Variants in PARD3B observed in about 807,000 individuals in gnomAD.
PARD3B encodes par-3 family cell polarity regulator beta.
A neutral mutation model predicts 130.2 loss-of-function variants in PARD3B; 103 were observed. The ratio of observed to expected loss-of-function variants is 0.79; its 90% CI spans 0.67 to 0.93. PARD3B has a LOEUF of 0.93. Ranked by LOEUF, PARD3B falls within the 40% of genes least tolerant of loss-of-function variation. The probability of loss-of-function intolerance (pLI) is 0.00; values close to 1 mark genes in which losing one functional copy is unlikely to be tolerated. For synonymous variants in PARD3B, 583 were observed against 553.2 expected, an observed-to-expected ratio of 1.05 and a Z score of -0.76; for missense variants, 1,609 against 1,499.2, an observed-to-expected ratio of 1.07 and a Z score of -1.21.
intron 1 of PARD3B, among the ~76,000 whole-genome samples, chr2:204,547,576 C>T (rs1197408991): frequency 6.6e-6 from 1 of 152,158 alleles, no homozygotes; most frequent in African/African-American, 2.4e-5. Context: ...AACCAATTGT[C>T]TATTAAATCA....
At chr2:205,039,893 C>G (rs1343190518) in intron 3 of PARD3B, among the ~76,000 whole-genome samples, 1 of 152,212 alleles carries the variant, frequency 6.6e-6, no homozygotes, top group Non-Finnish European at 1.5e-5. Flanking sequence ...GTGAGTAAAA[C>G]TAGAGTAGAA....
At chr2:205,113,036 A>G (rs899911905) in intron 5 of PARD3B, among the ~76,000 whole-genome samples, 2 of 152,170 alleles carry the variant, frequency 1.3e-5, no homozygotes, top group Non-Finnish European at 2.9e-5. Context: ...GCTTTTTCTA[A>G]TAAATATTTT....
chr2:204,719,385 A>C (rs1461129637), intron 2 of PARD3B, among the ~76,000 whole-genome samples: 1 of 152,224 alleles, frequency 6.6e-6, no homozygotes, highest in African/African-American at 2.4e-5. Context: ...TTTTAAAATT[A>C]AAGTTGATAT....
At chr2:204,986,488 T>G (rs1330123167) in intron 3 of PARD3B, among the ~76,000 whole-genome samples, 1 of 152,212 alleles carries the variant, frequency 6.6e-6, no homozygotes, top group African/African-American at 2.4e-5. Context: ...TTAAATCCAC[T>G]TTTGTAATCC....
rs760218901 is a variant in PARD3B, at chr2:204,545,972, C to T, written c.-28C>T. The T allele has an allele frequency of 2.6e-6, 4 of 1,540,234 alleles. No individual in the cohort carries two copies. The Admixed American group carries it at 5.8e-5, about 22-fold the overall frequency. On this transcript the variant is annotated 5_prime_UTR_variant, in exon 1 of 23. Coordinates refer to ENST00000406610, the MANE Select transcript of PARD3B (RefSeq NM_001302769.2). ...CGCGGGGTCAGACACCTGTTCGGCCCGGCCCGGCGTGGTCGCCGGGGGCCA... is the reference window on the plus strand; with the variant it reads ...CGCGGGGTCAGACACCTGTTCGGCCTGGCCCGGCGTGGTCGCCGGGGGCCA...
At chr2:205,286,592 G>T (rs1031849783) in intron 16 of PARD3B, among the ~76,000 whole-genome samples, 1 of 152,054 alleles carries the variant, frequency 6.6e-6, no homozygotes, top group Non-Finnish European at 1.5e-5. Context: ...CAGTTTGTCT[G>T]GAAATTTCTG....
intron 18 of PARD3B, among the ~76,000 whole-genome samples, chr2:205,348,822 G>T (rs2043888640): frequency 6.6e-6 from 1 of 152,168 alleles, no homozygotes; most frequent in African/African-American, 2.4e-5. Context: ...AGATAAGGGA[G>T]ATTTTTATTG....
intron 1 of PARD3B, among the ~76,000 whole-genome samples, chr2:204,672,238 T>A (rs1406386856): frequency 6.6e-6 from 1 of 152,224 alleles, no homozygotes; most frequent in Non-Finnish European, 1.5e-5. Flanking sequence ...TCTGAAAAGT[T>A]TTAGCTAATT....
At chr2:205,035,820 T>TATATATATATATATATATAGAGGG (rs1491091922) in intron 3 of PARD3B, among the ~76,000 whole-genome samples, 1 of 2,298 alleles carries the variant, frequency 4.4e-4, no homozygotes, top group African/African-American at 8.4e-4. Flanking sequence ...TATATATATA[T>TATATATATATATATATATAGAGGG]CTATATATCT....
At chr2:204,927,377 C>T (rs1369304193) in intron 2 of PARD3B, among the ~76,000 whole-genome samples, 10 of 152,196 alleles carry the variant, frequency 6.6e-5, no homozygotes, top group East Asian at 3.9e-4. Flanking sequence ...AAGGGTGCAG[C>T]GAGAAGTCAA....
chr2:204,842,646 T>C (rs190338824), intron 2 of PARD3B, among the ~76,000 whole-genome samples: 1 of 152,320 alleles, frequency 6.6e-6, no homozygotes, highest in African/African-American at 2.4e-5. Context: ...GAGTGGTTTC[T>C]GTAACAGCTG....
At chr2:205,313,319 T>C (rs1310847344) in intron 18 of PARD3B, among the ~76,000 whole-genome samples, 1 of 152,096 alleles carries the variant, frequency 6.6e-6, no homozygotes, top group Non-Finnish European at 1.5e-5. Context: ...AATATCTGAG[T>C]TTAATAATAT....
intron 2 of PARD3B, among the ~76,000 whole-genome samples, chr2:204,927,477 A>C (rs1014963798): frequency 6.6e-6 from 1 of 152,160 alleles, no homozygotes; most frequent in Admixed American, 6.5e-5. Flanking sequence ...AAGTGTGAGA[A>C]ATAAATTTAT....
intron 10 of PARD3B, among the ~76,000 whole-genome samples, chr2:205,150,083 G>C (rs1378135560): frequency 2.0e-5 from 3 of 152,180 alleles, no homozygotes; most frequent in Admixed American, 2.0e-4. Context: ...AGGCATTAGA[G>C]CATCCATTCT....
In PARD3B at chr2:205,147,130, C is replaced by T. The variant is rs544575740; in HGVS notation, c.1435-11592C>T. Among the ~76,000 whole-genome samples the T allele has an allele frequency of 5.5e-4, 83 of 152,250 alleles. No homozygotes were observed. The Middle Eastern group carries it at 0.014, about 25-fold the overall frequency. ...AGAAAGAAGTAAAAACAAAACAAAA[C>T]GTCCTATTGTTCCTCAATATAAACA... On this transcript the variant is annotated intron_variant, in intron 10 of 22. Coordinates refer to ENST00000406610, the MANE Select transcript of PARD3B (RefSeq NM_001302769.2).
At chr2:205,452,071 A>G (rs750932528) in intron 20 of PARD3B, among the ~76,000 whole-genome samples, 4 of 152,228 alleles carry the variant, frequency 2.6e-5, no homozygotes, top group Non-Finnish European at 5.9e-5. Flanking sequence ...AATAAGGGCA[A>G]TGAGGGATAG....
chr2:204,648,178 T>C (rs1457571341), intron 1 of PARD3B, among the ~76,000 whole-genome samples: 1 of 151,692 alleles, frequency 6.6e-6, no homozygotes, highest in African/African-American at 2.4e-5. Context: ...CATGACCATA[T>C]AAATAGGTAC....
At chr2:205,249,006 G>GTTTTTTTTTTTTTTTTTTTTTT (rs10707308) in intron 16 of PARD3B, among the ~76,000 whole-genome samples, 1 of 95,084 alleles carries the variant, frequency 1.1e-5, no homozygotes, top group African/African-American at 4.7e-5. Context: ...TAAAATAAGA[G>GTTTTTTTTTTTTTTTTTTTTTT]TTTTTTTTTT....
Position 205,229,068 on chromosome 2 carries a change from G to GAGACAGAC in PARD3B, c.2141-16709_2141-16708insGACAGACA, listed in dbSNP as rs2038706264. Among the ~76,000 whole-genome samples the GAGACAGAC allele has an allele frequency of 6.6e-6, 1 of 152,180 alleles. No individual in the cohort carries two copies. Among genetic ancestry groups the GAGACAGAC allele is most frequent in the Non-Finnish European group, 1.5e-5 (1 of 68,042 alleles). On this transcript the variant is annotated intron_variant, in intron 15 of 22. Coordinates refer to ENST00000406610, the MANE Select transcript of PARD3B (RefSeq NM_001302769.2). The surrounding 1 kb of genome is among the most constrained non-coding windows in gnomAD (Gnocchi z 5.2). ...AACAGCTATTTTGAATTCTGTATCT[G>GAGACAGAC]AAAGGTCACTTATGTCTGTCTCTCT...
Sources: gnomAD v4.1 joint callset for allele counts (sites outside exome capture counted in the v4.1 genomes callset) on GRCh38, gnomAD v4.1.1 for gene constraint, Gnocchi (gnomAD v3.1) non-coding constraint, MANE v1.5 for transcripts, NCBI Gene and HGNC (gene_info 2026-07-23, HGNC 2026-07-21) for gene names.